The following LYPLAL1 variants were observed in gnomAD, a reference collection of about 807,000 sequenced individuals.
LYPLAL1 encodes the protein lysophospholipase-like protein 1.
In LYPLAL1, 23 loss-of-function variants were observed where a neutral mutation model predicts 19.7. The observed-to-expected ratio is 1.17, with a 90% CI of 0.84 to 1.65. The LOEUF (loss-of-function observed/expected upper bound fraction) is 1.65, where lower values mean the gene tolerates loss of function less well. LYPLAL1 is among the 40% of genes most tolerant of loss of function. LYPLAL1 has a pLI of 0.00. For missense variants in LYPLAL1, 355 were observed against 279.4 expected, an observed-to-expected ratio of 1.27 and a Z score of -1.93; for synonymous variants, 119 against 96.3, an observed-to-expected ratio of 1.24 and a Z score of -1.38.
chr1:219,398,797 T>C, the LYPLAL1 span, among the ~76,000 whole-genome samples: 1 of 152,214 alleles, frequency 6.6e-6, no homozygotes, highest in African/African-American at 2.4e-5. Context: ...ACTGGCTTAG[T>C]TTCTGAAAGA....
chr1:219,383,794 G>T, the LYPLAL1 span, among the ~76,000 whole-genome samples: 5 of 152,130 alleles, frequency 3.3e-5, no homozygotes, highest in African/African-American at 9.7e-5. Flanking sequence ...TCTCTCTTTG[G>T]CAGAGAAAGC....
the LYPLAL1 span, among the ~76,000 whole-genome samples, chr1:219,313,458 G>A: frequency 6.6e-6 from 1 of 152,106 alleles, no homozygotes; most frequent in Non-Finnish European, 1.5e-5. Flanking sequence ...GGGAAAGGCT[G>A]TGTGAAAATT....
At chr1:219,352,379 G>A in the LYPLAL1 span, among the ~76,000 whole-genome samples, 1 of 152,278 alleles carries the variant, frequency 6.6e-6, no homozygotes, top group Non-Finnish European at 1.5e-5. Flanking sequence ...TTAGCCGGGC[G>A]CGGTGGCGGG....
the LYPLAL1 span, among the ~76,000 whole-genome samples, chr1:219,263,557 A>G: frequency 9.2e-5 from 14 of 152,232 alleles, no homozygotes; most frequent in South Asian, 6.2e-4. Context: ...TCATGCTTGA[A>G]CTAAATTATT....
chr1:219,329,364 AAT>A, the LYPLAL1 span, among the ~76,000 whole-genome samples: 1 of 152,204 alleles, frequency 6.6e-6, no homozygotes. Flanking sequence ...TGAATTATAA[AAT>A]ATGATTTTTT....
the LYPLAL1 span, among the ~76,000 whole-genome samples, chr1:219,295,328 C>T: frequency 6.6e-6 from 1 of 152,144 alleles, no homozygotes; most frequent in Non-Finnish European, 1.5e-5. Context: ...GAGATTGTAT[C>T]ATTTTCATCT....
chr1:219,255,899 T>C, the LYPLAL1 span, among the ~76,000 whole-genome samples: 2 of 151,892 alleles, frequency 1.3e-5, no homozygotes, highest in Non-Finnish European at 2.9e-5. Flanking sequence ...TGATGTTACA[T>C]TGATTGAGTT....
At chr1:219,406,085 G>A in the LYPLAL1 span, among the ~76,000 whole-genome samples, 10 of 152,154 alleles carry the variant, frequency 6.6e-5, no homozygotes, top group African/African-American at 2.4e-4. Context: ...AACCCAATAC[G>A]CTTGAGATTT....
chr1:219,326,283 G>C, the LYPLAL1 span, among the ~76,000 whole-genome samples: 2 of 32,894 alleles, frequency 6.1e-5, no homozygotes, highest in African/African-American at 2.9e-4. Flanking sequence ...GTTCGTGAGG[G>C]TTTTTTGTTT....
the LYPLAL1 span, among the ~76,000 whole-genome samples, chr1:219,432,554 A>G: frequency 6.6e-6 from 1 of 152,090 alleles, no homozygotes; most frequent in African/African-American, 2.4e-5. Context: ...CTGATGACTA[A>G]CCGCAGCCAA....
intron 2 of LYPLAL1, among the ~76,000 whole-genome samples, chr1:219,181,713 A>C (rs1656305388): frequency 6.6e-6 from 1 of 152,112 alleles, no homozygotes; most frequent in East Asian, 1.9e-4. Context: ...TAATACTATG[A>C]GGCAATTCAG....
chr1:219,320,282 T>C, the LYPLAL1 span, among the ~76,000 whole-genome samples: 1 of 152,070 alleles, frequency 6.6e-6, no homozygotes, highest in African/African-American at 2.4e-5. Context: ...ATTTTTCCAT[T>C]AACTTTTGCT....
the LYPLAL1 span, among the ~76,000 whole-genome samples, chr1:219,340,196 T>G: frequency 6.6e-6 from 1 of 152,086 alleles, no homozygotes; most frequent in Admixed American, 6.6e-5. Flanking sequence ...GTTGTGGGTA[T>G]CAACAAAGTG....
At chr1:219,372,301 C>G in the LYPLAL1 span, among the ~76,000 whole-genome samples, 3 of 152,184 alleles carry the variant, frequency 2.0e-5, no homozygotes, top group Non-Finnish European at 4.4e-5. Context: ...CACTTCCCTT[C>G]TTATGCAAAG....
At chr1:219,386,920 A>G in the LYPLAL1 span, among the ~76,000 whole-genome samples, 1 of 152,210 alleles carries the variant, frequency 6.6e-6, no homozygotes, top group Non-Finnish European at 1.5e-5. Flanking sequence ...AACCCAAGCC[A>G]TACAAACCAG....
intron 1 of LYPLAL1, chr1:219,174,241 C>T (rs963459255): frequency 7.6e-5 from 105 of 1,376,328 alleles, no homozygotes; most frequent in Admixed American, 4.5e-4. Context: ...CTCAGCCAGC[C>T]CTCCATCCCC....
the LYPLAL1 span, among the ~76,000 whole-genome samples, chr1:219,284,675 A>G: frequency 6.6e-6 from 1 of 150,972 alleles, no homozygotes; most frequent in African/African-American, 2.4e-5. Flanking sequence ...TAATTTCACA[A>G]CAACTCTATG....
the LYPLAL1 span, among the ~76,000 whole-genome samples, chr1:219,358,118 A>C: frequency 6.6e-6 from 1 of 152,214 alleles, no homozygotes; most frequent in South Asian, 2.1e-4. Flanking sequence ...ATGAAACTTC[A>C]TGACACCAAG....
the LYPLAL1 span, among the ~76,000 whole-genome samples, chr1:219,390,681 C>T: frequency 6.6e-6 from 1 of 152,156 alleles, no homozygotes; most frequent in Non-Finnish European, 1.5e-5. Context: ...ATTTCCCCTT[C>T]CCAATGAAGA....
Sources: gnomAD v4.1 joint callset for allele counts (sites outside exome capture counted in the v4.1 genomes callset) on GRCh38, gnomAD v4.1.1 for gene constraint, MANE v1.5 for transcripts, NCBI Gene and HGNC (gene_info 2026-07-23, HGNC 2026-07-21) for gene names.